The following LRMDA variants were observed in gnomAD, a reference collection of about 807,000 sequenced individuals.
LRMDA encodes leucine-rich melanocyte differentiation-associated protein.
A neutral mutation model predicts 29.8 loss-of-function variants in LRMDA; 18 were observed. The observed-to-expected ratio is 0.60, with a 90% CI of 0.42 to 0.90. The LOEUF is 0.90. Among genes scored for constraint, LRMDA ranks in the 40% least tolerant of loss-of-function variants. The pLI, the probability that LRMDA is intolerant of heterozygous loss-of-function variation, is 0.00. For synonymous variants in LRMDA, 125 were observed against 109.4 expected (o/e 1.14, Z -0.89); for missense variants, 273 against 273.9 (o/e 1.00, Z 0.02).
chr10:75,711,447 C>T (rs543586902), intron 2 of LRMDA, among the ~76,000 whole-genome samples: 1 of 152,282 alleles, frequency 6.6e-6, no homozygotes, highest in South Asian at 2.1e-4. Flanking sequence ...AGTTACAATT[C>T]CCTGTTTTTT....
intron 3 of LRMDA, among the ~76,000 whole-genome samples, chr10:76,042,761 C>T (rs187967446): frequency 4.3e-4 from 66 of 152,004 alleles, no homozygotes; most frequent in Middle Eastern, 3.4e-3. Context: ...ATAGATAATT[C>T]CCTCTTTTAG....
At chr10:75,779,822 AC>A (rs11395175) in intron 2 of LRMDA, among the ~76,000 whole-genome samples, 44 of 151,568 alleles carry the variant, frequency 2.9e-4, no homozygotes, top group African/African-American at 9.4e-4. Flanking sequence ...TTGAATAGTG[AC>A]CCCCCCAGCC....
intron 5 of LRMDA, among the ~76,000 whole-genome samples, chr10:76,294,119 C>G (rs1840383536): frequency 6.6e-6 from 1 of 152,176 alleles, no homozygotes. Context: ...ATTCATCCAG[C>G]AATCTCTTGC....
chr10:75,444,193 T>TGGCAAATC (rs1406849131), intron 2 of LRMDA, among the ~76,000 whole-genome samples: 2 of 152,234 alleles, frequency 1.3e-5, no homozygotes, highest in Non-Finnish European at 2.9e-5. Flanking sequence ...GCATTAACTA[T>TGGCAAATC]GGCAAATCCA....
At chr10:76,504,703 A>C (rs1182212963) in intron 6 of LRMDA, among the ~76,000 whole-genome samples, 2 of 152,026 alleles carry the variant, frequency 1.3e-5, no homozygotes, top group Non-Finnish European at 2.9e-5. Flanking sequence ...ATTACGTATG[A>C]GATGGATCTC....
At chr10:76,477,838 T>A (rs1842692252) in intron 6 of LRMDA, among the ~76,000 whole-genome samples, 1 of 152,174 alleles carries the variant, frequency 6.6e-6, no homozygotes, top group Non-Finnish European at 1.5e-5. Context: ...CTGGGAAAAC[T>A]GGCTAGCCAT....
chr10:75,457,209 T>G (rs1326299260), intron 2 of LRMDA, among the ~76,000 whole-genome samples: 1 of 152,262 alleles, frequency 6.6e-6, no homozygotes, highest in African/African-American at 2.4e-5. Context: ...CAGCTTTGCC[T>G]GACTACAAAG....
chr10:75,495,323 G>A (rs1451179115), intron 2 of LRMDA, among the ~76,000 whole-genome samples: 2 of 151,398 alleles, frequency 1.3e-5, no homozygotes, highest in Admixed American at 1.3e-4. Flanking sequence ...TCTCAGACAG[G>A]CCTTTTATGG....
At position 76,486,612 on chromosome 10, in the gene LRMDA, T is replaced by G. The variant is rs538719961; in HGVS notation, c.602-70597T>G. On this transcript the variant is annotated intron_variant, in intron 6 of 6. Coordinates refer to ENST00000611255, the MANE Select transcript of LRMDA (RefSeq NM_001305581.2). ...AATTTGGGTTTCTTTCAGGGTTTTA[T>G]TACTCTACACTGTCACACAGTGGGG... Among the ~76,000 whole-genome samples, 5 of 152,072 alleles carry G rather than the reference T, an allele frequency of 3.3e-5. No homozygotes were observed. In the South Asian group the frequency reaches 8.3e-4, roughly 25 times the overall value.
chr10:76,300,416 G>T (rs560867736), intron 5 of LRMDA, among the ~76,000 whole-genome samples: 9 of 152,324 alleles, frequency 5.9e-5, no homozygotes, highest in African/African-American at 2.2e-4. Context: ...GATCATGGTA[G>T]GAAAGCAGGC....
At chr10:76,187,693 G>A (rs1478305867) in intron 5 of LRMDA, among the ~76,000 whole-genome samples, 1 of 152,130 alleles carries the variant, frequency 6.6e-6, no homozygotes, top group Non-Finnish European at 1.5e-5. Flanking sequence ...CAGAGGTAAG[G>A]AAGGGAAGTG....
chr10:75,805,380 G>A (rs553064981), intron 2 of LRMDA, among the ~76,000 whole-genome samples: 35 of 152,314 alleles, frequency 2.3e-4, no homozygotes, highest in Admixed American at 3.9e-4. Flanking sequence ...CTCTGGCTTC[G>A]TATGGCACTG....
chr10:75,890,376 A>G (rs1249037429), intron 2 of LRMDA, among the ~76,000 whole-genome samples: 1 of 152,252 alleles, frequency 6.6e-6, no homozygotes, highest in African/African-American at 2.4e-5. Flanking sequence ...CTTTGGGAAT[A>G]GCATACCCTT....
intron 6 of LRMDA, among the ~76,000 whole-genome samples, chr10:76,410,421 A>T (rs1253274066): frequency 7.1e-6 from 1 of 140,466 alleles, no homozygotes; most frequent in African/African-American, 2.7e-5. Flanking sequence ...TGATCCTCCC[A>T]TCTCAGCATC....
chr10:76,221,960 C>A (rs1371053702), intron 5 of LRMDA, among the ~76,000 whole-genome samples: 1 of 151,678 alleles, frequency 6.6e-6, no homozygotes, highest in Non-Finnish European at 1.5e-5. Context: ...TCAGAAATAA[C>A]GCCACGTATC....
rs1237539458 is a variant in LRMDA, at chr10:76,294,068, C to T, written c.517-30333C>T. On this transcript the variant is annotated intron_variant, in intron 5 of 6. Coordinates refer to ENST00000611255, the MANE Select transcript of LRMDA (RefSeq NM_001305581.2). Reference sequence around the variant, plus strand: ...ACTGGATAGGAGAGGAGTTGACAAGCTGGGTGTTCTGATATTGGCTGTGCT... The same window carrying T: ...ACTGGATAGGAGAGGAGTTGACAAGTTGGGTGTTCTGATATTGGCTGTGCT... Among the ~76,000 whole-genome samples the T allele has an allele frequency of 2.0e-5, 3 of 152,250 alleles. No homozygotes were observed. The East Asian group carries it at 5.8e-4, about 29-fold the overall frequency.
intron 6 of LRMDA, among the ~76,000 whole-genome samples, chr10:76,539,178 G>A (rs924658662): frequency 4.6e-5 from 7 of 152,168 alleles, no homozygotes; most frequent in African/African-American, 1.7e-4. Context: ...TTTGGATTCT[G>A]TCTCTGATAG....
At chr10:76,542,054 CGTGTGTGTGT>C (rs34637437) in intron 6 of LRMDA, among the ~76,000 whole-genome samples, 1 of 150,156 alleles carries the variant, frequency 6.7e-6, no homozygotes, top group African/African-American at 2.4e-5. Context: ...GGTGTGTGCA[CGTGTGTGTGT>C]GTGTGTGTGT....
chr10:76,417,004 C>T (rs1842022081), intron 6 of LRMDA, among the ~76,000 whole-genome samples: 1 of 152,188 alleles, frequency 6.6e-6, no homozygotes, highest in Non-Finnish European at 1.5e-5. Flanking sequence ...ATGAGCTGGA[C>T]AATTCTACTC....
Sources: allele counts gnomAD v4.1 joint callset (sites outside exome capture counted in the v4.1 genomes callset), GRCh38; gene constraint gnomAD v4.1.1; transcripts MANE v1.5; gene names NCBI Gene and HGNC (gene_info 2026-07-23, HGNC 2026-07-21).